The following ARHGAP8 variants were observed in gnomAD, a reference collection of about 807,000 sequenced individuals.
ARHGAP8 encodes the protein rho GTPase-activating protein 8.
Under a neutral mutation model 46.1 loss-of-function variants are expected in ARHGAP8, and 62 were observed. The ratio of observed to expected loss-of-function variants is 1.34; its 90% CI spans 1.10 to 1.66. The LOEUF (loss-of-function observed/expected upper bound fraction) is 1.66. ARHGAP8 is among the 40% of genes most tolerant of loss of function. The pLI, the probability that ARHGAP8 is intolerant of heterozygous loss-of-function variation, is 0.00. For synonymous variants in ARHGAP8, 375 were observed against 243.1 expected (o/e 1.54, Z -5.05); for missense variants, 923 against 568.4 (o/e 1.62, Z -6.34).
At chr22:44,858,791 C>T (rs1466513043) in intron 10 of ARHGAP8, among the ~76,000 whole-genome samples, 2 of 149,424 alleles carry the variant, frequency 1.3e-5, no homozygotes, top group Non-Finnish European at 3.0e-5. Flanking sequence ...GGGACACTGC[C>T]TTTCCAAGAG....
At chr22:44,774,453 C>G (rs1393463246) in intron 1 of ARHGAP8, among the ~76,000 whole-genome samples, 1 of 150,024 alleles carries the variant, frequency 6.7e-6, no homozygotes, top group South Asian at 2.1e-4. Flanking sequence ...TAATTAGTGT[C>G]TTTATGGTAG....
chr22:44,832,881 A>C (rs915238808), intron 7 of ARHGAP8, among the ~76,000 whole-genome samples: 1 of 152,068 alleles, frequency 6.6e-6, no homozygotes, highest in Non-Finnish European at 1.5e-5. Context: ...ATTCTCAGCT[A>C]TTTGGGAGAT....
intron 1 of ARHGAP8, among the ~76,000 whole-genome samples, chr22:44,781,035 T>A (rs372803796): frequency 6.6e-6 from 1 of 152,066 alleles, no homozygotes; most frequent in East Asian, 1.9e-4. Context: ...CCCGTGCACG[T>A]GTGTCCAAGT....
At position 44,862,712 on chromosome 22, in the gene ARHGAP8, T is replaced by TA; in HGVS notation, c.*119dup. The TA allele has an allele frequency of 1.6e-6, 2 of 1,247,918 alleles. No individual in the cohort carries two copies. Among genetic ancestry groups the TA allele is most frequent in the South Asian group, 3.4e-5 (2 of 59,072 alleles). 77.3% of individuals were successfully genotyped at this position (1,247,918 alleles called of 1,614,324 possible). ...GCCATTAGATGAATTCAGAACCTTC[T>TA]AATGAAAACTCCATGCCTCTGGTCC... On this transcript the variant is annotated 3_prime_UTR_variant, in exon 12 of 12. Transcript: ENST00000356099.
chr22:44,850,417 C>T (rs2070064707), intron 10 of ARHGAP8: 1 of 152,208 alleles, frequency 6.6e-6, no homozygotes, highest in Non-Finnish European at 1.5e-5. Flanking sequence ...CAGCATCCTA[C>T]CAGCCGGGGC....
intron 11 of ARHGAP8, among the ~76,000 whole-genome samples, chr22:44,861,004 TTC>T (rs961557202): frequency 6.6e-6 from 1 of 152,132 alleles, no homozygotes; most frequent in African/African-American, 2.4e-5. Flanking sequence ...ACTCTCCTAA[TTC>T]TCTCAAAAAA....
chr22:44,766,591 T>C (rs1925592045), intron 1 of ARHGAP8, among the ~76,000 whole-genome samples: 2 of 152,152 alleles, frequency 1.3e-5, no homozygotes, highest in African/African-American at 2.4e-5. Context: ...CATGTGTGTC[T>C]CTGTGTGTAA....
chr22:44,801,507 C>G (rs1342563283), intron 2 of ARHGAP8, among the ~76,000 whole-genome samples: 2 of 118,826 alleles, frequency 1.7e-5, no homozygotes, highest in Non-Finnish European at 1.8e-5. Context: ...GGGGGCACCT[C>G]TCCCCGCAGC....
intron 11 of ARHGAP8, among the ~76,000 whole-genome samples, chr22:44,861,989 C>T (rs528109208): frequency 3.9e-5 from 6 of 152,280 alleles, no homozygotes; most frequent in African/African-American, 7.2e-5. Context: ...TTGCATCTCC[C>T]CAGAAGGTGC....
chr22:44,802,784 G>A (rs549003030), intron 3 of ARHGAP8, among the ~76,000 whole-genome samples: 57 of 152,146 alleles, frequency 3.7e-4, no homozygotes, highest in African/African-American at 8.7e-4. Context: ...TCTCTGCCTC[G>A]GTCTTCACAT....
At chr22:44,814,451 G>C (rs1569158786) in intron 4 of ARHGAP8, among the ~76,000 whole-genome samples, 1 of 152,194 alleles carries the variant, frequency 6.6e-6, no homozygotes, top group Non-Finnish European at 1.5e-5. Flanking sequence ...CTGTGCCTCG[G>C]CGAACTAAAG....
chr22:44,836,606 C>T (rs751925712), intron 7 of ARHGAP8, among the ~76,000 whole-genome samples: 2 of 151,350 alleles, frequency 1.3e-5, no homozygotes, highest in Non-Finnish European at 2.9e-5. Flanking sequence ...CGTTCACATG[C>T]ACTGCCCATT....
chr22:44,859,483 C>T (rs535291784), intron 10 of ARHGAP8, among the ~76,000 whole-genome samples: 13 of 152,172 alleles, frequency 8.5e-5, no homozygotes, highest in Non-Finnish European at 1.5e-4. Context: ...GCTTGTACAG[C>T]CTGTAGAACC....
intron 1 of ARHGAP8, among the ~76,000 whole-genome samples, chr22:44,783,143 C>T (rs1431846533): frequency 6.6e-6 from 1 of 151,738 alleles, no homozygotes; most frequent in Non-Finnish European, 1.5e-5. Flanking sequence ...GGTTTCACCA[C>T]GTTGGCAGGG....
At chr22:44,770,738 A>G (rs1217311873) in intron 1 of ARHGAP8, among the ~76,000 whole-genome samples, 1 of 152,182 alleles carries the variant, frequency 6.6e-6, no homozygotes, top group Non-Finnish European at 1.5e-5. Flanking sequence ...GATGTTATCT[A>G]TGGGAGTAAT....
At chr22:44,825,772 TG>T (rs545189722) in intron 7 of ARHGAP8, among the ~76,000 whole-genome samples, 179 bp downstream of exon 7, 12 of 138,390 alleles carry the variant, frequency 8.7e-5, no homozygotes, top group Non-Finnish European at 1.7e-4. Context: ...AGTGCCTGGT[TG>T]GGGGGGCGCG....
At chr22:44,772,227 T>C (rs1926072544) in intron 1 of ARHGAP8, among the ~76,000 whole-genome samples, 1 of 81,734 alleles carries the variant, frequency 1.2e-5, no homozygotes, top group Non-Finnish European at 2.3e-5. Context: ...TTTTGCCTTT[T>C]TTTTTTTTTT....
At chr22:44,781,610 G>A (rs8142663) in intron 1 of ARHGAP8, among the ~76,000 whole-genome samples, 131,147 of 151,966 alleles carry the variant, frequency 0.86, 56,736 homozygotes, top group Non-Finnish European at 0.89. Flanking sequence ...TGCAGCCTCC[G>A]GCTCCCAGGT....
chr22:44,833,299 A>G (rs1426773556), intron 7 of ARHGAP8, among the ~76,000 whole-genome samples: 2 of 151,890 alleles, frequency 1.3e-5, no homozygotes, highest in Non-Finnish European at 2.9e-5. Flanking sequence ...GGGTCTCACT[A>G]TGTTGCCCAG....
Sources: gnomAD v4.1 joint callset for allele counts (sites outside exome capture counted in the v4.1 genomes callset) on GRCh38, gnomAD v4.1.1 for gene constraint, MANE v1.5 for transcripts, NCBI Gene and HGNC (gene_info 2026-07-23, HGNC 2026-07-21) for gene names.